The following SELP variants were observed in gnomAD, a reference collection of about 807,000 sequenced individuals.
SELP encodes P-selectin.
In SELP, 92 loss-of-function variants were observed where a neutral mutation model predicts 104.1. The observed-to-expected ratio is 0.88, with a 90% CI of 0.75 to 1.05. SELP has a LOEUF of 1.05. SELP is among the 50% of genes least tolerant of loss of function. The probability of loss-of-function intolerance (pLI) is 0.00; values close to 1 mark genes in which losing one functional copy is unlikely to be tolerated. For missense variants in SELP, 1,022 were observed against 1,017.3 expected, an observed-to-expected ratio of 1.00 and a Z score of -0.06; for synonymous variants, 397 against 364.5, an observed-to-expected ratio of 1.09 and a Z score of -1.01.
intron 10 of SELP, among the ~76,000 whole-genome samples, chr1:169,597,414 A>G (rs1030182926): frequency 1.3e-5 from 2 of 152,196 alleles, no homozygotes; most frequent in East Asian, 3.8e-4. Context: ...CAAAGAAGTC[A>G]AAGATTTAGG....
chr1:169,614,249 A>T (rs1043746455), intron 3 of SELP, among the ~76,000 whole-genome samples: 1 of 152,188 alleles, frequency 6.6e-6, no homozygotes, highest in African/African-American at 2.4e-5. Context: ...CCAGAATCCT[A>T]CAGTGGAGAA....
At chr1:169,604,064 C>T (rs1662057064) in intron 9 of SELP, among the ~76,000 whole-genome samples, 1 of 152,174 alleles carries the variant, frequency 6.6e-6, no homozygotes, top group South Asian at 2.1e-4. Flanking sequence ...TACAGTCCCA[C>T]CAACAGTGTA....
intron 1 of SELP, among the ~76,000 whole-genome samples, chr1:169,619,584 G>T (rs1662990390): frequency 6.6e-6 from 1 of 152,196 alleles, no homozygotes; most frequent in Admixed American, 6.5e-5. Flanking sequence ...GAAGTGGTAT[G>T]TCATACCCAA....
chr1:169,593,692 A>G lies in SELP; in HGVS notation c.2320T>C (p.Tyr774His). The G allele has an allele frequency of 6.2e-7, 1 of 1,613,578 alleles. No individual in the cohort carries two copies. Among genetic ancestry groups the G allele is most frequent in the Admixed American group, 1.7e-5 (1 of 59,970 alleles). Residue 774 changes from tyrosine (Y) to histidine (H), a missense_variant, in exon 14 of 17, where the codon TAC (tyrosine) becomes CAC (histidine). Transcript: ENST00000263686. Reference sequence around the variant, plus strand: ...GTAGAAGCCACCGCTCCACCAAAGTAAGTCAGGGCTTCCTGGATAGTCAAT... The same window carrying G: ...GTAGAAGCCACCGCTCCACCAAAGTGAGTCAGGGCTTCCTGGATAGTCAAT... ...GPLTIQEALTYFGGAVASTIG... is the reference protein window; with the variant it reads ...GPLTIQEALTHFGGAVASTIG...
intron 5 of SELP, 47 bp from the exon 6 acceptor site, chr1:169,612,449 G>A (rs754405852): frequency 3.8e-6 from 6 of 1,592,064 alleles, no homozygotes; most frequent in East Asian, 2.2e-5. Context: ...GACAAATTTT[G>A]TCCATCACCT....
intron 11 of SELP, 63 bp downstream of exon 11, chr1:169,596,928 T>G: frequency 7.0e-7 from 1 of 1,437,008 alleles, no homozygotes. Flanking sequence ...AACTAGATAA[T>G]TGTTTGTTGT....
chr1:169,629,684 G>T (rs1256217692), intron 1 of SELP, among the ~76,000 whole-genome samples: 2 of 152,160 alleles, frequency 1.3e-5, no homozygotes, highest in Non-Finnish European at 2.9e-5. Context: ...GTACAGTCTT[G>T]GAAAATGGGG....
chr1:169,608,795 C>G (rs1304748142), intron 8 of SELP, among the ~76,000 whole-genome samples: 2 of 152,098 alleles, frequency 1.3e-5, no homozygotes, highest in East Asian at 3.9e-4. Context: ...AATGAAAACA[C>G]AAAATGTCAA....
At position 169,617,398 on chromosome 1, in the gene SELP, T is replaced by C. The variant is rs776772651; in HGVS notation, c.111A>G (p.Lys37=). 13 of 1,614,030 alleles carry C rather than the reference T, an allele frequency of 8.1e-6. No individual in the cohort carries two copies. In the South Asian group the frequency reaches 1.3e-4, roughly 16 times the overall value. The change falls in exon 3 of 17, where the codon AAA becomes AAG. Residue 37 remains lysine, a synonymous_variant. Coordinates refer to ENST00000263686, the MANE Select transcript of SELP (RefSeq NM_003005.4). The part of the protein sequence containing the change: ...SALISELTNQ[K]EVAAWTYHYS... ...AATGATAAGTCCATGCTGCCACTTC[T>C]TTCTGGTTTGTTAGTTCTAGAGTAA...
intron 9 of SELP, 92 bp from the exon 10 acceptor site, chr1:169,603,303 C>CTGTGTGTGTG (rs1456565599): frequency 3.5e-5 from 24 of 694,686 alleles, no homozygotes; most frequent in Admixed American, 7.8e-5. Context: ...CTCCCTCTCT[C>CTGTGTGTGTG]TCTCTGTGTG....
intron 9 of SELP, among the ~76,000 whole-genome samples, chr1:169,605,492 GT>G (rs1309997449): frequency 2.7e-5 from 4 of 149,924 alleles, no homozygotes; most frequent in African/African-American, 7.3e-5. Context: ...TGTGTGGGGG[GT>G]GTGTGTGTGT....
chr1:169,610,722 T>C (rs1662478646), intron 7 of SELP, among the ~76,000 whole-genome samples: 1 of 152,130 alleles, frequency 6.6e-6, no homozygotes, highest in Non-Finnish European at 1.5e-5. Context: ...GAGGTTGCAG[T>C]GAGCTGAGAT....
chr1:169,595,835 T>C (rs1661575828), intron 12 of SELP, 90 bp downstream of exon 12: 3 of 1,102,170 alleles, frequency 2.7e-6, no homozygotes, highest in African/African-American at 3.1e-5. Context: ...GTGGTTGTGG[T>C]TGGGTGAGAC....
chr1:169,626,015 T>C (rs3917669), intron 1 of SELP, among the ~76,000 whole-genome samples: 3 of 152,208 alleles, frequency 2.0e-5, no homozygotes, highest in Non-Finnish European at 1.5e-5. Context: ...GGAAGACCTC[T>C]TTAATGAGAT....
chr1:169,594,908 A>G (rs1661527340), intron 12 of SELP, 31 bp from the exon 13 acceptor site: 1 of 1,587,472 alleles, frequency 6.3e-7, no homozygotes, highest in Non-Finnish European at 8.6e-7. Context: ...AAGAGAAACA[A>G]CATGTGGATT....
At position 169,598,892 on chromosome 1, in the gene SELP, A is replaced by G. The variant is rs1218184866; in HGVS notation, c.1706-1716T>C. On this transcript the variant is annotated intron_variant, in intron 10 of 16. Coordinates refer to ENST00000263686, the MANE Select transcript of SELP (RefSeq NM_003005.4). ...ATGCCTACCTGGTTTGAAAAGAAAC[A>G]AGAGGAATTACTGTTTTTAAAAATT... Among the ~76,000 whole-genome samples the G allele has an allele frequency of 2.0e-5, 3 of 152,292 alleles. No individual in the cohort carries two copies. The Middle Eastern group carries it at 0.01, about 518-fold the overall frequency.
intron 1 of SELP, among the ~76,000 whole-genome samples, chr1:169,625,990 G>A (rs926533224): frequency 2.0e-5 from 3 of 152,296 alleles, no homozygotes; most frequent in Middle Eastern, 6.8e-3. Flanking sequence ...TCACTATGTT[G>A]GTCAGGAACG....
intron 3 of SELP, 56 bp downstream of exon 3, chr1:169,616,972 A>G (rs1179425272): frequency 2.9e-5 from 43 of 1,505,818 alleles, no homozygotes; most frequent in Non-Finnish European, 4.4e-6. Context: ...GGCCAACCAG[A>G]GAAGGCAGGG....
intron 9 of SELP, among the ~76,000 whole-genome samples, chr1:169,605,721 A>C (rs1402733688): frequency 1.3e-5 from 2 of 152,192 alleles, no homozygotes; most frequent in Non-Finnish European, 2.9e-5. Context: ...AAAGCGGAGA[A>C]AATATTGGAA....
Sources: allele counts gnomAD v4.1 joint callset (sites outside exome capture counted in the v4.1 genomes callset), GRCh38; gene constraint gnomAD v4.1.1; transcripts MANE v1.5; gene names NCBI Gene and HGNC (gene_info 2026-07-23, HGNC 2026-07-21).